Variants in ZMIZ1 observed in about 807,000 individuals in gnomAD.
The protein encoded by ZMIZ1 is zinc finger MIZ-type containing 1.
Under a neutral mutation model 113.9 loss-of-function variants are expected in ZMIZ1, and 17 were observed. The observed-to-expected ratio is 0.15, with a 90% CI of 0.10 to 0.22. The LOEUF (loss-of-function observed/expected upper bound fraction) is 0.22. Among genes scored for constraint, ZMIZ1 ranks in the 10% least tolerant of loss-of-function variants. The pLI is 1.00. For missense variants in ZMIZ1, 1,059 were observed against 1,477.8 expected, an observed-to-expected ratio of 0.72 and a Z score of 4.65; for synonymous variants, 607 against 603.1, an observed-to-expected ratio of 1.01 and a Z score of -0.09.
Position 79,069,726 on chromosome 10 carries a change from G to T in ZMIZ1, c.-337+456G>T, listed in dbSNP as rs76184639. ...GCCTGTGTGTGTACAGGAACCGCTG[G>T]GGAAAGCGCTGGATTTCAGGATGGC... is the stretch of plus-strand genomic sequence containing the variant. On this transcript the variant is annotated intron_variant, in intron 1 of 24. Transcript: ENST00000334512. This position sits in a 1 kb window ranked among gnomAD's most constrained non-coding sequence, Gnocchi z 4.6. Among the ~76,000 whole-genome samples, 3,267 of 152,310 alleles carry T rather than the reference G, an allele frequency of 0.021. 36 individuals are homozygous for T. The highest frequency in any genetic ancestry group is 0.034 in the Non-Finnish European group (2,316 of 68,010).
At chr10:79,127,373 C>T (rs184488313) in intron 2 of ZMIZ1, among the ~76,000 whole-genome samples, 5 of 152,274 alleles carry the variant, frequency 3.3e-5, no homozygotes, top group African/African-American at 4.8e-5. Context: ...TACAAGTCCC[C>T]GGGATTGCGC....
chr10:79,153,300 C>T (rs1405388810), intron 3 of ZMIZ1, among the ~76,000 whole-genome samples: 1 of 152,246 alleles, frequency 6.6e-6, no homozygotes, highest in Admixed American at 6.5e-5. Flanking sequence ...CTATGTCCTC[C>T]ATCCCGTGGT....
intron 7 of ZMIZ1, among the ~76,000 whole-genome samples, chr10:79,227,371 T>A (rs1849236680): frequency 6.6e-6 from 1 of 152,164 alleles, no homozygotes; most frequent in South Asian, 2.1e-4. Context: ...TCAGATATTT[T>A]TTCCAGAAGC....
At chr10:79,073,521 C>T (rs1407619059) in intron 1 of ZMIZ1, among the ~76,000 whole-genome samples, 2 of 152,204 alleles carry the variant, frequency 1.3e-5, no homozygotes, top group Non-Finnish European at 2.9e-5. Flanking sequence ...TACATGCCTT[C>T]TGCAAATCCA....
chr10:79,171,552 G>A (rs1031412080), intron 4 of ZMIZ1, among the ~76,000 whole-genome samples: 2 of 152,194 alleles, frequency 1.3e-5, no homozygotes, highest in African/African-American at 2.4e-5. Context: ...GTCTGTGCTC[G>A]GCTCTTCAGG....
At chr10:79,141,315 C>G (rs1399768083) in intron 3 of ZMIZ1, among the ~76,000 whole-genome samples, 4 of 152,326 alleles carry the variant, frequency 2.6e-5, no homozygotes, top group Admixed American at 6.5e-5. Context: ...CGCTTGTACT[C>G]TCGTGAGGAG....
At chr10:79,175,122 G>A (rs1196553784) in intron 4 of ZMIZ1, among the ~76,000 whole-genome samples, 2 of 152,202 alleles carry the variant, frequency 1.3e-5, no homozygotes, top group Non-Finnish European at 2.9e-5. Flanking sequence ...GGACTCAGTG[G>A]CCTGTCTTAG....
At chr10:79,103,809 A>T (rs1471305719) in intron 1 of ZMIZ1, among the ~76,000 whole-genome samples, 1 of 152,082 alleles carries the variant, frequency 6.6e-6, no homozygotes, top group African/African-American at 2.4e-5. Flanking sequence ...TGCATCATGG[A>T]TGAGGACCTT....
rs771266248 is a variant in ZMIZ1, at chr10:79,311,079, T to A, written c.2991T>A (p.Ala997=). Residue 997 remains alanine (A), a synonymous_variant, in exon 24 of 25, where the codon GCT becomes GCA. Transcript: ENST00000334512. ...CTCCCCGGCAGCCGCCACAGGCCGC[T>A]CCCAGCAGCCATCCACACAGCGACC... ...SQPPRQPPQA[A]PSSHPHSDLT... is the part of the protein sequence containing the mutation. The A allele has an allele frequency of 6.2e-7, 1 of 1,613,446 alleles. No individual in the cohort carries two copies. The highest frequency in any genetic ancestry group is 8.5e-7 in the Non-Finnish European group (1 of 1,180,000).
intron 4 of ZMIZ1, among the ~76,000 whole-genome samples, chr10:79,200,859 G>A (rs2790766): frequency 0.44 from 66,484 of 151,584 alleles, 14,836 homozygotes; most frequent in Non-Finnish European, 0.49. Flanking sequence ...TGTGCACTGA[G>A]GGTCGTCATA....
At chr10:79,307,300 A>T in intron 22 of ZMIZ1, 105 bp from the exon 23 acceptor site, 1 of 1,204,760 alleles carries the variant, frequency 8.3e-7, no homozygotes, top group Non-Finnish European at 1.2e-6. Context: ...CAGCCTCGCA[A>T]GAGGAAAAGG....
chr10:79,092,832 A>G (rs763500019), intron 1 of ZMIZ1, among the ~76,000 whole-genome samples: 6 of 151,720 alleles, frequency 4.0e-5, no homozygotes, highest in Non-Finnish European at 5.9e-5. Flanking sequence ...GTGGTCAGGT[A>G]GCTCGCTTTT....
At position 79,068,996 on chromosome 10, in the gene ZMIZ1, T is replaced by TTCAC. The variant is rs1471590787; in HGVS notation, c.-609_-606dup. On this transcript the variant is annotated 5_prime_UTR_variant, in exon 1 of 25. Transcript: ENST00000334512. ...CTCACCCCCTAACGCCGAGTTCCTT[T>TTCAC]TCACTGTCTGTGGACATTAAAAAAG... The TTCAC allele has an allele frequency of 6.6e-6, 1 of 151,444 alleles. No homozygotes were observed. The highest frequency in any genetic ancestry group is 1.5e-5 in the Non-Finnish European group (1 of 67,646). 9.4% of individuals were successfully genotyped at this position (151,444 alleles called of 1,614,324 possible).
intron 22 of ZMIZ1, 101 bp downstream of exon 22, chr10:79,306,445 T>C (rs1407677208): frequency 2.0e-6 from 3 of 1,526,172 alleles, no homozygotes; most frequent in African/African-American, 2.8e-5. Context: ...GTCGGGGGTG[T>C]GGTTGAAGAG....
intron 4 of ZMIZ1, among the ~76,000 whole-genome samples, chr10:79,163,199 C>T (rs908147702): frequency 3.9e-5 from 6 of 152,234 alleles, no homozygotes; most frequent in Admixed American, 3.9e-4. Context: ...CCTAACATCC[C>T]CTGCTGCCCT....
At chr10:79,188,865 G>A (rs1284177194) in intron 4 of ZMIZ1, among the ~76,000 whole-genome samples, 4 of 152,176 alleles carry the variant, frequency 2.6e-5, no homozygotes, top group East Asian at 3.8e-4. Flanking sequence ...CCATGCAAGC[G>A]TGCTTTCATG....
intron 4 of ZMIZ1, among the ~76,000 whole-genome samples, chr10:79,177,254 G>A (rs1169642589): frequency 2.0e-5 from 3 of 152,210 alleles, no homozygotes; most frequent in African/African-American, 7.2e-5. Flanking sequence ...AAAAACAGTG[G>A]AAAAGTGAAG....
At chr10:79,215,154 A>C (rs1307311526) in intron 6 of ZMIZ1, among the ~76,000 whole-genome samples, 1 of 152,154 alleles carries the variant, frequency 6.6e-6, no homozygotes, top group Non-Finnish European at 1.5e-5. Context: ...TGAGCGTGGG[A>C]GTCCTGCGGT....
intron 1 of ZMIZ1, among the ~76,000 whole-genome samples, chr10:79,079,037 G>T (rs1177114219): frequency 6.6e-6 from 1 of 152,272 alleles, no homozygotes; most frequent in African/African-American, 2.4e-5. Flanking sequence ...TGCAGAGGCA[G>T]AAGTCTTCCC....
Sources: allele counts gnomAD v4.1 joint callset (sites outside exome capture counted in the v4.1 genomes callset), GRCh38; gene constraint gnomAD v4.1.1; non-coding constraint Gnocchi (gnomAD v3.1); transcripts MANE v1.5; gene names NCBI Gene and HGNC (gene_info 2026-07-23, HGNC 2026-07-21).